Variants in TRRAP observed in about 807,000 individuals in gnomAD.
TRRAP encodes the protein transformation/transcription domain-associated protein.
In TRRAP, 41 loss-of-function variants were observed where a neutral mutation model predicts 438.8. That is an observed-to-expected ratio of 0.09 (90% CI 0.07 to 0.12). TRRAP has a LOEUF of 0.12. Among genes scored for constraint, TRRAP ranks in the 10% least tolerant of loss-of-function variants. The probability of loss-of-function intolerance (pLI) is 1.00; values close to 1 mark genes in which losing one functional copy is unlikely to be tolerated. For missense variants in TRRAP, 3,122 were observed against 5,055.1 expected (o/e 0.62, Z 11.60); for synonymous variants, 1,994 against 1,962.9 (o/e 1.02, Z -0.42).
rs758108129 is a variant in TRRAP at position 98,984,934 on chromosome 7, T to G, written c.9289-10T>G. The stretch of plus-strand genomic sequence containing the variant: ...CAAGAACTTTTTTTCTGCTCATTTT[T>G]TTTGAACAGGGCCTTGAAGTTATTG... On this transcript the variant is annotated splice_polypyrimidine_tract_variant and intron_variant, in intron 61 of 72. Transcript: ENST00000456197. 6.3e-6 allele frequency: 10 copies of G among 1,581,318 alleles called. No individual in the cohort carries two copies. The highest frequency in any genetic ancestry group is 6.9e-6 in the Non-Finnish European group (8 of 1,164,044).
At chr7:98,890,806 A>T (rs10238082) in intron 4 of TRRAP, among the ~76,000 whole-genome samples, 39,318 of 55,348 alleles carry the variant, frequency 0.71, 13,778 homozygotes, top group Non-Finnish European at 0.81. Context: ...TTTTTTTTTT[A>T]AAAGACAAGG....
At chr7:98,979,383 C>T (rs936511231) in intron 58 of TRRAP, among the ~76,000 whole-genome samples, 2 of 152,218 alleles carry the variant, frequency 1.3e-5, no homozygotes, top group Non-Finnish European at 2.9e-5. Flanking sequence ...GTCTAGGTTA[C>T]TTACAGTACC....
At chr7:98,969,202 T>C (rs1051387243) in intron 51 of TRRAP, among the ~76,000 whole-genome samples, 4 of 152,342 alleles carry the variant, frequency 2.6e-5, no homozygotes, top group African/African-American at 9.6e-5. Flanking sequence ...ACTCTTTCCA[T>C]TGTGCGTGGC....
intron 33 of TRRAP, among the ~76,000 whole-genome samples, chr7:98,946,823 G>A (rs1048977220): frequency 3.3e-5 from 5 of 152,204 alleles, no homozygotes; most frequent in Non-Finnish European, 7.3e-5. Flanking sequence ...CCAAAGAAGT[G>A]GTTTCTGTGA....
chr7:98,946,705 T>G (rs310744), intron 33 of TRRAP, among the ~76,000 whole-genome samples: 17,773 of 152,200 alleles, frequency 0.12, 3,210 homozygotes, highest in African/African-American at 0.39. Flanking sequence ...CACACACTGA[T>G]GCACTCACAA....
intron 14 of TRRAP, among the ~76,000 whole-genome samples, chr7:98,909,724 G>A (rs1430684620): frequency 6.6e-6 from 1 of 152,194 alleles, no homozygotes; most frequent in Non-Finnish European, 1.5e-5. Context: ...TGTCAGGCCA[G>A]TCACTCAGCC....
intron 59 of TRRAP, 143 bp from the exon 60 acceptor site, chr7:98,983,121 T>C (rs190163028): frequency 6.3e-5 from 46 of 725,620 alleles, no homozygotes; most frequent in Non-Finnish European, 8.7e-5. Context: ...CTCAGGTGTC[T>C]GTGGTGTAAA....
intron 51 of TRRAP, among the ~76,000 whole-genome samples, chr7:98,968,725 T>C (rs1045013823): frequency 6.6e-6 from 1 of 151,528 alleles, no homozygotes; most frequent in African/African-American, 2.4e-5. Flanking sequence ...AAGAAGGGAG[T>C]GAGTTGTGGT....
chr7:98,979,791 A>G (rs899033729), intron 58 of TRRAP, among the ~76,000 whole-genome samples: 4 of 152,192 alleles, frequency 2.6e-5, no homozygotes, highest in Non-Finnish European at 5.9e-5. Flanking sequence ...CACTGCTTAG[A>G]AAAAAACTCA....
intron 19 of TRRAP, among the ~76,000 whole-genome samples, chr7:98,916,366 A>G (rs1789518926): frequency 6.6e-6 from 1 of 152,226 alleles, no homozygotes; most frequent in South Asian, 2.1e-4. Context: ...CTGTATAATT[A>G]GGAATGCTCT....
At chr7:98,907,520 T>C (rs1796835658) in intron 13 of TRRAP, among the ~76,000 whole-genome samples, 1 of 152,226 alleles carries the variant, frequency 6.6e-6, no homozygotes, top group Non-Finnish European at 1.5e-5. Flanking sequence ...GACAATGTTA[T>C]AAAATATTAA....
intron 61 of TRRAP, 26 bp downstream of exon 61, chr7:98,984,384 A>C (rs1013502571): frequency 6.6e-7 from 1 of 1,522,190 alleles, no homozygotes; most frequent in South Asian, 1.3e-5. Flanking sequence ...TTGAAGAATG[A>C]GGCCAGGTGG....
At chr7:98,984,402 G>C in intron 61 of TRRAP, 44 bp downstream of exon 61, 1 of 1,486,866 alleles carries the variant, frequency 6.7e-7, no homozygotes, top group Non-Finnish European at 9.0e-7. Flanking sequence ...TGGAGATTGA[G>C]GCCAGGTGGA....
intron 6 of TRRAP, 102 bp downstream of exon 6, chr7:98,893,983 C>G (rs544487118): frequency 1.2e-5 from 12 of 1,032,860 alleles, no homozygotes; most frequent in African/African-American, 9.7e-5. Flanking sequence ...ATACTGTTTT[C>G]AAGTGTAGAA....
Position 98,949,683 on chromosome 7 carries a change from C to A in TRRAP, c.4977C>A (p.Asn1659Lys), listed in dbSNP as rs369988548. 1 of 1,613,304 alleles carries A rather than the reference C, an allele frequency of 6.2e-7. No individual in the cohort carries two copies. The highest frequency in any genetic ancestry group is 1.7e-5 in the Admixed American group (1 of 59,796). The change falls in exon 37 of 73, where the codon AAC becomes AAA. Residue 1659 changes from asparagine (N) to lysine (K), a missense_variant. Physicochemically the swap from Asn to Lys is moderately conservative, Grantham distance 94. This residue lies in a region of TRRAP where 272 missense variants were observed against 348.5 expected (regional missense o/e 0.78). Transcript: ENST00000456197. ...AIKIISIIVK[N>K]DDSWLASQHS... The stretch of plus-strand genomic sequence containing the variant: ...AGATCATAAGCATTATAGTGAAAAA[C>A]GATGACTCCTGGCTGGCCAGCCAGC...
chr7:98,935,775 A>G (rs1790528578), intron 28 of TRRAP, 100 bp downstream of exon 28: 1 of 906,738 alleles, frequency 1.1e-6, no homozygotes, highest in Admixed American at 3.1e-5. Flanking sequence ...TCTAATTTTT[A>G]TGACTTTTTG....
At chr7:98,931,332 A>G (rs1790313890) in intron 25 of TRRAP, 73 bp from the exon 26 acceptor site, 3 of 1,565,406 alleles carry the variant, frequency 1.9e-6, no homozygotes, top group Non-Finnish European at 2.6e-6. Flanking sequence ...TATGGCAGAC[A>G]GGTGTGCAGG....
chr7:98,878,806 T>C (rs55947646), intron 1 of TRRAP, among the ~76,000 whole-genome samples, 169 bp downstream of exon 1: 140,739 of 152,072 alleles, frequency 0.93, 65,278 homozygotes, highest in African/African-American at 0.98. Flanking sequence ...GCGGGGCCGA[T>C]GGCGTTTGCG....
chr7:99,011,292 A>AC lies in TRRAP; in HGVS notation c.11142+38dup. ...TGAACAGCCAGATCCTCTCCTCGTG[A>AC]CATCGCCTTTCTGCTGAAGTTCCTA... On this transcript the variant is annotated intron_variant, in intron 71 of 72. Coordinates refer to ENST00000456197, the MANE Select transcript of TRRAP (RefSeq NM_001375524.1). This position sits in a 1 kb window ranked among gnomAD's most constrained non-coding sequence, Gnocchi z 7.1. 1.2e-6 allele frequency: 2 copies of AC among 1,612,842 alleles called. No individual in the cohort carries two copies. Among genetic ancestry groups the AC allele is most frequent in the Non-Finnish European group, 1.7e-6 (2 of 1,178,820 alleles).
Sources: gnomAD v4.1 joint callset for allele counts (sites outside exome capture counted in the v4.1 genomes callset) on GRCh38, gnomAD v4.1.1 for gene constraint, gnomAD v4.1.1 regional missense constraint, Gnocchi (gnomAD v3.1) non-coding constraint, MANE v1.5 for transcripts, NCBI Gene and HGNC (gene_info 2026-07-23, HGNC 2026-07-21) for gene names.